TAGAP: variants seen among roughly 807,000 people sequenced by gnomAD.
TAGAP encodes the protein T-cell activation Rho GTPase-activating protein.
Under a neutral mutation model 36.0 loss-of-function variants are expected in TAGAP, and 16 were observed. That is an observed-to-expected ratio of 0.44 (90% CI 0.30 to 0.68). The LOEUF (loss-of-function observed/expected upper bound fraction) is 0.68, where lower values mean the gene tolerates loss of function less well. Among genes scored for constraint, TAGAP ranks in the 30% least tolerant of loss-of-function variants. The pLI is 0.09. For synonymous variants in TAGAP, 372 were observed against 377.4 expected (o/e 0.99, Z 0.17); for missense variants, 794 against 921.5 (o/e 0.86, Z 1.79).
Position 159,036,239 on chromosome 6 carries a change from G to A in TAGAP, c.1784C>T (p.Ser595Phe), listed in dbSNP as rs1274399412. ...CGGGCCCTGCATGGCCTCTTCATAA[G>A]AGGGTGGGCTTCCAGGCCTCTCCCA... ...ADWERPGSPP[S>F]YEEAMQGPAA... The change falls in exon 10 of 10, where the codon TCT (serine) becomes TTT (phenylalanine). Residue 595 changes from serine to phenylalanine, a missense_variant. Transcript: ENST00000367066. The surrounding 1 kb of genome is among the most constrained non-coding windows in gnomAD (Gnocchi z 4.9). 6.2e-7 allele frequency: 1 copy of A among 1,612,208 alleles called. No homozygotes were observed. The highest frequency in any genetic ancestry group is 1.7e-5 in the Admixed American group (1 of 59,998).
In TAGAP at chr6:159,041,938, T is replaced by C. The variant is rs567497664; in HGVS notation, c.315+140A>G. ...ATATTCTTCTGACTGCACGCGTATG[T>C]GGGAGTGCCATGTTGAAGAGTGGAA... is the stretch of plus-strand genomic sequence containing the variant. On this transcript the variant is annotated intron_variant, in intron 5 of 9. Transcript: ENST00000367066. The surrounding 1 kb of genome is among the most constrained non-coding windows in gnomAD (Gnocchi z 4.1). 2.2e-6 allele frequency: 2 copies of C among 899,714 alleles called. No homozygotes were observed. The highest frequency in any genetic ancestry group is 2.4e-5 in the East Asian group (1 of 40,920). 55.7% of individuals were successfully genotyped at this position (899,714 alleles called of 1,614,324 possible).
chr6:159,039,355 C>A (rs1207106560), intron 7 of TAGAP, 46 bp from the exon 8 acceptor site: 1 of 1,583,034 alleles, frequency 6.3e-7, no homozygotes, highest in South Asian at 1.1e-5. Flanking sequence ...GGCTAATGGT[C>A]TTCAGTGTAG....
intron 4 of TAGAP, chr6:159,043,007 C>T (rs1159870328): frequency 6.6e-6 from 1 of 152,618 alleles, no homozygotes; most frequent in Admixed American, 6.5e-5. Flanking sequence ...TTCCTTCCTT[C>T]CTTCCTTCTC....
In TAGAP at chr6:159,035,772, A is replaced by G. The variant is rs1779503176; in HGVS notation, c.*55T>C. 1 of 1,511,372 alleles carries G rather than the reference A, an allele frequency of 6.6e-7. No homozygotes were observed. Among genetic ancestry groups the G allele is most frequent in the South Asian group, 1.3e-5 (1 of 78,470 alleles). The allele number at this position is 1,511,372 out of a possible 1,614,324, so 93.6% of individuals were successfully genotyped here. A position where few individuals can be genotyped will look rare whatever the true frequency, so the allele number is the denominator to read the frequency against. Reference sequence around the variant, plus strand: ...AAAAACAATCTACAGGCAGTTCTTTACAAGTCTCATATTTACAGATAGCAC... The same window carrying G: ...AAAAACAATCTACAGGCAGTTCTTTGCAAGTCTCATATTTACAGATAGCAC... On this transcript the variant is annotated 3_prime_UTR_variant, in exon 10 of 10. Transcript: ENST00000367066.
intron 1 of TAGAP, 128 bp from the exon 2 acceptor site, chr6:159,044,332 C>A: frequency 1.7e-6 from 1 of 579,828 alleles, no homozygotes; most frequent in Non-Finnish European, 2.8e-6. Flanking sequence ...TTTTCACTTG[C>A]CTTTACTTTG....
chr6:159,038,393 CTT>C (rs34454153), intron 8 of TAGAP, among the ~76,000 whole-genome samples, 165 bp from the exon 9 acceptor site: 20 of 137,222 alleles, frequency 1.5e-4, no homozygotes, highest in Non-Finnish European at 1.7e-4. Context: ...CAATCAGATA[CTT>C]TTTTTTTTTT....
In TAGAP at chr6:159,044,870, T is replaced by C; in HGVS notation, c.-59+9A>G. 1 of 398,620 alleles carries C rather than the reference T, an allele frequency of 2.5e-6. No homozygotes were observed. The highest frequency in any genetic ancestry group is 6.3e-4 in the Middle Eastern group (1 of 1,588). 24.7% of individuals were successfully genotyped at this position (398,620 alleles called of 1,614,324 possible). On this transcript the variant is annotated intron_variant, in intron 1 of 9. Transcript: ENST00000367066. The stretch of plus-strand genomic sequence containing the variant: ...AATTTCTAGGCATGTTAATATATAG[T>C]GTACTTACCCTTGGAGGGTCTCTAG...
chr6:159,038,196 G>A lies in TAGAP; in HGVS notation c.816C>T (p.Asn272=), dbSNP rs373695805. ...VKTLVEFLID[N]CFEIFGENIP... ...TGTTCTCCCCAAATATTTCAAAGCA[G>A]TTATCAATGAGGAATTCCACCAGTG... Residue 272 remains asparagine, a synonymous_variant, in exon 9 of 10, where the codon AAC becomes AAT. Transcript: ENST00000367066. 1 of 1,591,896 alleles carries A rather than the reference G, an allele frequency of 6.3e-7. No individual in the cohort carries two copies. The highest frequency in any genetic ancestry group is 1.1e-5 in the South Asian group (1 of 90,822).
rs781016202 is a variant in TAGAP at position 159,040,795 on chromosome 6, C to G, written c.515G>C (p.Ser172Thr). Reference protein sequence around the residue: ...LRSIPRKLLSSDLFEEWMGAL... With the variant: ...LRSIPRKLLSTDLFEEWMGAL... ...ACCCATCCACTCCTCAAAGAGGTCG[C>G]TTGAAAGTAGCTTCCGGGGGATACT... The change falls in exon 7 of 10, where the codon AGC becomes ACC. Residue 172 changes from serine (S) to threonine (T), a missense_variant. By Grantham distance (58) the Ser-to-Thr change is moderately conservative (BLOSUM62 1). Coordinates refer to ENST00000367066, the MANE Select transcript of TAGAP (RefSeq NM_054114.5). 3 of 1,614,082 alleles carry G rather than the reference C, an allele frequency of 1.9e-6. No homozygotes were observed. Among genetic ancestry groups the G allele is most frequent in the Admixed American group, 1.7e-5 (1 of 59,998 alleles).
Position 159,037,253 on chromosome 6 carries a change from G to GCA in TAGAP, c.899-130_899-129insTG. 1 of 795,746 alleles carries GCA rather than the reference G, an allele frequency of 1.3e-6. No individual in the cohort carries two copies. The highest frequency in any genetic ancestry group is 1.8e-6 in the Non-Finnish European group (1 of 551,210). 49.3% of individuals were successfully genotyped at this position (795,746 alleles called of 1,614,324 possible). A position where few individuals can be genotyped will look rare whatever the true frequency, so the allele number is the denominator to read the frequency against. On this transcript the variant is annotated intron_variant, in intron 9 of 9. Coordinates refer to ENST00000367066, the MANE Select transcript of TAGAP (RefSeq NM_054114.5). This position sits in a 1 kb window ranked among gnomAD's most constrained non-coding sequence, Gnocchi z 5.1. ...GTTGCCCAGGCTGGAGTGCAGTGATGTGATCTCGGCTCACTGCAACCTCTA... is the reference window on the plus strand; with the variant it reads ...GTTGCCCAGGCTGGAGTGCAGTGATGCATGATCTCGGCTCACTGCAACCTCTA...
rs1303735177 is a variant in TAGAP at position 159,037,033 on chromosome 6, C to T, written c.990G>A (p.Arg330=). ...CTGTGGCCATGGGCACCTGGGGCTG[C>T]CTGCTGGGAGAGCTGATGCCACTGC... ...NSSSGISSPS[R]QPQVPMATAA... is the part of the protein sequence containing the mutation. Residue 330 remains arginine (R), a synonymous_variant, in exon 10 of 10, where the codon AGG becomes AGA. Coordinates refer to ENST00000367066, the MANE Select transcript of TAGAP (RefSeq NM_054114.5). This position sits in a 1 kb window ranked among gnomAD's most constrained non-coding sequence, Gnocchi z 5.1. 1 of 1,613,606 alleles carries T rather than the reference C, an allele frequency of 6.2e-7. No homozygotes were observed. The highest frequency in any genetic ancestry group is 1.1e-5 in the South Asian group (1 of 91,086).
Position 159,041,772 on chromosome 6 carries a change from T to A in TAGAP, c.316-257A>T. 1.8e-6 allele frequency: 1 copy of A among 547,214 alleles called. No homozygotes were observed. 33.9% of individuals were successfully genotyped at this position (547,214 alleles called of 1,614,324 possible). A position where few individuals can be genotyped will look rare whatever the true frequency, so the allele number is the denominator to read the frequency against. On this transcript the variant is annotated intron_variant, in intron 5 of 9. Transcript: ENST00000367066. The surrounding 1 kb of genome is among the most constrained non-coding windows in gnomAD (Gnocchi z 4.1). ...GGATTTCAGATCACAAAGTCTATATTCTGTTTCCCCCTTTTGACTTTTCAG... is the reference window on the plus strand; with the variant it reads ...GGATTTCAGATCACAAAGTCTATATACTGTTTCCCCCTTTTGACTTTTCAG...
chr6:159,039,787 G>C (rs1446946570), intron 7 of TAGAP, among the ~76,000 whole-genome samples: 1 of 152,132 alleles, frequency 6.6e-6, no homozygotes, highest in Non-Finnish European at 1.5e-5. Flanking sequence ...GCTTTATGAA[G>C]ACTAAATCAG....
rs962927001 is a variant in TAGAP at position 159,041,092 on chromosome 6, A to G, written c.478-260T>C. On this transcript the variant is annotated intron_variant, in intron 6 of 9. Coordinates refer to ENST00000367066, the MANE Select transcript of TAGAP (RefSeq NM_054114.5). This position sits in a 1 kb window ranked among gnomAD's most constrained non-coding sequence, Gnocchi z 4.1. ...CTGAGGGGCCACTGGATTTTGACGT[A>G]TGGATTCTGCCACGGAACAATCAAA... The G allele has an allele frequency of 1.7e-6, 1 of 587,266 alleles. No individual in the cohort carries two copies. Among genetic ancestry groups the G allele is most frequent in the Non-Finnish European group, 3.0e-6 (1 of 337,532 alleles). The allele number at this position is 587,266 out of a possible 1,614,324, so 36.4% of individuals were successfully genotyped here.
Position 159,044,011 on chromosome 6 carries a change from A to G in TAGAP, c.48T>C (p.Asn16=). Residue 16 remains asparagine (N), a synonymous_variant, in exon 3 of 10, where the codon AAT becomes AAC. Coordinates refer to ENST00000367066, the MANE Select transcript of TAGAP (RefSeq NM_054114.5). The part of the protein sequence containing the change: ...SHNASKTLNA[N]NMETLIECQS... ...GACATTCGATTAGTGTCTCCATATTATTGGCGTTTAGTGTTTTTGACTAAA... is the reference window on the plus strand; with the variant it reads ...GACATTCGATTAGTGTCTCCATATTGTTGGCGTTTAGTGTTTTTGACTAAA... 3 of 1,613,910 alleles carry G rather than the reference A, an allele frequency of 1.9e-6. No homozygotes were observed. The highest frequency in any genetic ancestry group is 2.5e-6 in the Non-Finnish European group (3 of 1,179,878).
Position 159,036,200 on chromosome 6 carries a change from A to G in TAGAP, c.1823T>C (p.Val608Ala), listed in dbSNP as rs530412401. ...EAMQGPAARL[V>A]ASESQTVGSM... ...CCCCACGGTCTGGCTCTCGGAGGCCACTAGTCTGGCTGCCGGGCCCTGCAT... is the reference window on the plus strand; with the variant it reads ...CCCCACGGTCTGGCTCTCGGAGGCCGCTAGTCTGGCTGCCGGGCCCTGCAT... The change falls in exon 10 of 10, where the codon GTG becomes GCG. Residue 608 changes from valine (V) to alanine (A), a missense_variant. Coordinates refer to ENST00000367066, the MANE Select transcript of TAGAP (RefSeq NM_054114.5). The surrounding 1 kb of genome is among the most constrained non-coding windows in gnomAD (Gnocchi z 4.9). 11 of 1,610,582 alleles carry G rather than the reference A, an allele frequency of 6.8e-6. No homozygotes were observed. Among genetic ancestry groups the G allele is most frequent in the Non-Finnish European group, 7.6e-6 (9 of 1,178,720 alleles).
chr6:159,039,814 C>A (rs1157249894), intron 7 of TAGAP, among the ~76,000 whole-genome samples: 2 of 152,182 alleles, frequency 1.3e-5, no homozygotes, highest in Admixed American at 1.3e-4. Flanking sequence ...AGGGCATGTT[C>A]ATATAAGGCG....
At position 159,038,179 on chromosome 6, in the gene TAGAP, C is replaced by A. The variant is rs1423614727; in HGVS notation, c.833G>T (p.Gly278Val). ...FLIDNCFEIF[G>V]ENIPVHSSIT... The stretch of plus-strand genomic sequence containing the variant: ...ACTGGAATGCACTGGAATGTTCTCC[C>A]CAAATATTTCAAAGCAGTTATCAAT... The change falls in exon 9 of 10, where the codon GGG (glycine) becomes GTG (valine). Residue 278 changes from glycine to valine, a missense_variant. Gly to Val is a moderately radical substitution (Grantham distance 109). Transcript: ENST00000367066. 2 of 1,613,400 alleles carry A rather than the reference C, an allele frequency of 1.2e-6. No individual in the cohort carries two copies. Among genetic ancestry groups the A allele is most frequent in the Admixed American group, 3.3e-5 (2 of 59,934 alleles).
intron 3 of TAGAP, 114 bp downstream of exon 3, chr6:159,043,864 G>A: frequency 9.6e-7 from 1 of 1,041,450 alleles, no homozygotes; most frequent in East Asian, 2.4e-5. Context: ...CTACATGTGT[G>A]ATGTTAGTTT....
Sources: allele counts gnomAD v4.1 joint callset (sites outside exome capture counted in the v4.1 genomes callset), GRCh38; gene constraint gnomAD v4.1.1; non-coding constraint Gnocchi (gnomAD v3.1); transcripts MANE v1.5; gene names NCBI Gene and HGNC (gene_info 2026-07-23, HGNC 2026-07-21).